TEX26: variants seen among roughly 807,000 people sequenced by gnomAD.
TEX26 encodes testis-expressed protein 26.
In TEX26, 34 loss-of-function variants were observed where a neutral mutation model predicts 35.3. That is an observed-to-expected ratio of 0.96 (90% CI 0.73 to 1.28). TEX26 has a LOEUF of 1.28. TEX26 is among the 50% of genes most tolerant of loss of function. TEX26 has a pLI of 0.00. For missense variants in TEX26, 371 were observed against 330.1 expected (o/e 1.12, Z -0.96); for synonymous variants, 136 against 111.8 (o/e 1.22, Z -1.36).
chr13:30,955,378 C>A (rs147146863), intron 3 of TEX26, among the ~76,000 whole-genome samples: 1 of 152,162 alleles, frequency 6.6e-6, no homozygotes, highest in African/African-American at 2.4e-5. Context: ...CAAATGCATA[C>A]GCAATCAACA....
At chr13:30,942,300 T>G (rs1953543774) in intron 2 of TEX26, among the ~76,000 whole-genome samples, 1 of 152,144 alleles carries the variant, frequency 6.6e-6, no homozygotes. Flanking sequence ...TTTTCATATG[T>G]TTTTGGCCAT....
At chr13:30,969,176 A>AC (rs1237108944) in intron 6 of TEX26, 130 bp downstream of exon 6, 1 of 876,294 alleles carries the variant, frequency 1.1e-6, no homozygotes, top group East Asian at 2.6e-5. Flanking sequence ...CAAAAAAAAA[A>AC]AAAACTCATA....
chr13:30,939,598 T>A (rs1022661971), intron 1 of TEX26, 96 bp from the exon 2 acceptor site: 3 of 1,127,308 alleles, frequency 2.7e-6, no homozygotes, highest in Non-Finnish European at 2.6e-6. Context: ...ATCCAAAATG[T>A]TTTTTTCTCT....
At chr13:30,968,257 G>A (rs1217782326) in intron 5 of TEX26, among the ~76,000 whole-genome samples, 2 of 152,174 alleles carry the variant, frequency 1.3e-5, no homozygotes, top group Non-Finnish European at 2.9e-5. Flanking sequence ...TTATGGGAGG[G>A]GGAGAAGAGG....
chr13:30,966,497 G>A, intron 5 of TEX26, 99 bp downstream of exon 5: 2 of 1,151,102 alleles, frequency 1.7e-6, no homozygotes, highest in Non-Finnish European at 2.4e-6. Context: ...GAGTGCAGTG[G>A]CACAATCTTG....
Position 30,956,957 on chromosome 13 carries a change from A to C in TEX26, c.397A>C (p.Lys133Gln), listed in dbSNP as rs1329849380. Reference sequence around the variant, plus strand: ...CCCTTGGAAAATCCCGGCTTCAATGAAAGAAGTTAACAAGGCACTATCAAA... The same window carrying C: ...CCCTTGGAAAATCCCGGCTTCAATGCAAGAAGTTAACAAGGCACTATCAAA... The part of the protein sequence containing the change: ...CLPWKIPASM[K>Q]EVNKALSNQF... Residue 133 changes from lysine to glutamine, a missense_variant, in exon 4 of 7, where the codon AAA becomes CAA. Coordinates refer to ENST00000380473, the MANE Select transcript of TEX26 (RefSeq NM_152325.3). 6.2e-7 allele frequency: 1 copy of C among 1,614,238 alleles called. No individual in the cohort carries two copies. Among genetic ancestry groups the C allele is most frequent in the South Asian group, 1.1e-5 (1 of 91,086 alleles).
chr13:30,957,891 A>AT (rs1954197135), intron 4 of TEX26, among the ~76,000 whole-genome samples: 1 of 152,252 alleles, frequency 6.6e-6, no homozygotes, highest in Non-Finnish European at 1.5e-5. Flanking sequence ...TACGGGAGTA[A>AT]TAGGAGTCTG....
chr13:30,974,733 A>T lies in TEX26; in HGVS notation c.809-113A>T, dbSNP rs529444277. 47 of 1,105,656 alleles carry T rather than the reference A, an allele frequency of 4.3e-5. 1 individual carries two copies. In the East Asian group the frequency reaches 1.3e-3, roughly 32 times the overall value. 68.5% of individuals were successfully genotyped at this position (1,105,656 alleles called of 1,614,324 possible). A position where few individuals can be genotyped will look rare whatever the true frequency, so the allele number is the denominator to read the frequency against. ...CCTGCTATTATTTTGGTCTTACCAA[A>T]TTTGTGTATTTAGTAATATTATCAG... On this transcript the variant is annotated intron_variant, in intron 6 of 6. Coordinates refer to ENST00000380473, the MANE Select transcript of TEX26 (RefSeq NM_152325.3).
intron 3 of TEX26, 115 bp from the exon 4 acceptor site, chr13:30,956,758 A>C: frequency 2.2e-6 from 2 of 911,540 alleles, no homozygotes; most frequent in Non-Finnish European, 3.4e-6. Flanking sequence ...ATGCACCTGC[A>C]GTGGCAGCTG....
intron 2 of TEX26, 104 bp from the exon 3 acceptor site, chr13:30,952,556 C>G: frequency 1.0e-6 from 1 of 975,998 alleles, no homozygotes; most frequent in African/African-American, 1.7e-5. Context: ...TTATGCCAAT[C>G]AATCTTTTTA....
At position 30,952,817 on chromosome 13, in the gene TEX26, C is replaced by A; in HGVS notation, c.304C>A (p.Leu102Ile). 3 of 1,612,386 alleles carry A rather than the reference C, an allele frequency of 1.9e-6. No individual in the cohort carries two copies. The highest frequency in any genetic ancestry group is 2.5e-6 in the Non-Finnish European group (3 of 1,179,222). The change falls in exon 3 of 7, where the codon CTC becomes ATC. Residue 102 changes from leucine (L) to isoleucine (I), a missense_variant. By Grantham distance (5) the Leu-to-Ile change is conservative. Transcript: ENST00000380473. ...SRGIKSHKSH[L>I]NEDIFLWTLP... is the part of the protein sequence containing the mutation. ...AGGAATCAAGAGCCACAAATCTCAT[C>A]TCAATGAAGTAAGATAATATCTACA...
At chr13:30,952,428 T>C (rs1188956404) in intron 2 of TEX26, among the ~76,000 whole-genome samples, 1 of 152,230 alleles carries the variant, frequency 6.6e-6, no homozygotes, top group East Asian at 1.9e-4. Flanking sequence ...AAATTTCATA[T>C]TGTTATGTTT....
chr13:30,934,743 C>T (rs760419058), intron 1 of TEX26, among the ~76,000 whole-genome samples: 20 of 152,170 alleles, frequency 1.3e-4, no homozygotes, highest in Admixed American at 2.0e-4. Flanking sequence ...CTCCCTGTGC[C>T]GCTACAGCCG....
In TEX26 at chr13:30,940,322, C is replaced by CTTTTTTTTTTTTTTTTT. The variant is rs869246492; in HGVS notation, c.146+557_146+573dup. ...GTGGGAGTTTCTAAACATCAGCTGC[C>CTTTTTTTTTTTTTTTTT]TTTTTTTTTTTTTTTTTTTTTTTTT... is the stretch of plus-strand genomic sequence containing the variant. On this transcript the variant is annotated intron_variant, in intron 2 of 6. Coordinates refer to ENST00000380473, the MANE Select transcript of TEX26 (RefSeq NM_152325.3). Among the ~76,000 whole-genome samples the CTTTTTTTTTTTTTTTTT allele has an allele frequency of 7.7e-5, 4 of 52,076 alleles. 1 individual carries two copies. Among genetic ancestry groups the CTTTTTTTTTTTTTTTTT allele is most frequent in the Non-Finnish European group, 1.3e-4 (4 of 29,742 alleles). The allele number at this position is 52,076 out of a possible 152,430, so 34.2% of individuals were successfully genotyped here.
chr13:30,954,277 TACACACACACACACACACAC>T (rs56003143), intron 3 of TEX26, among the ~76,000 whole-genome samples: 14 of 137,950 alleles, frequency 1.0e-4, no homozygotes, highest in South Asian at 2.4e-4. Context: ...TATAGACCTA[TACACACACACACACACACAC>T]ACACACACAC....
In TEX26 at chr13:30,974,872, C is replaced by A. The variant is rs775005047; in HGVS notation, c.835C>A (p.Arg279Ser). ...KDRQIIDRFI[R>S]THCDTNKKKK Reference sequence around the variant, plus strand: ...TAGACAAATTATTGATCGCTTTATTCGTACTCACTGTGACACTAACAAAAA... The same window carrying A: ...TAGACAAATTATTGATCGCTTTATTAGTACTCACTGTGACACTAACAAAAA... The change falls in exon 7 of 7, where the codon CGT (arginine) becomes AGT (serine). Residue 279 changes from arginine to serine, a missense_variant. Physicochemically the swap from Arg to Ser is moderately radical, Grantham distance 110. Coordinates refer to ENST00000380473, the MANE Select transcript of TEX26 (RefSeq NM_152325.3). The A allele has an allele frequency of 6.4e-7, 1 of 1,563,800 alleles. No homozygotes were observed. Among genetic ancestry groups the A allele is most frequent in the South Asian group, 1.2e-5 (1 of 81,444 alleles).
intron 4 of TEX26, 33 bp downstream of exon 4, chr13:30,957,062 T>A: frequency 1.2e-6 from 2 of 1,601,552 alleles, no homozygotes; most frequent in Non-Finnish European, 1.7e-6. Context: ...TTTTCCTGGG[T>A]CATGTGGTAG....
At position 30,951,822 on chromosome 13, in the gene TEX26, T is replaced by C. The variant is rs545718063; in HGVS notation, c.147-838T>C. ...CCAATCAGCAATCAAATCTCTCCAATTGTCTCATAACTTTTTTTTAAAAGG... is the reference window on the plus strand; with the variant it reads ...CCAATCAGCAATCAAATCTCTCCAACTGTCTCATAACTTTTTTTTAAAAGG... On this transcript the variant is annotated intron_variant, in intron 2 of 6. Coordinates refer to ENST00000380473, the MANE Select transcript of TEX26 (RefSeq NM_152325.3). Among the ~76,000 whole-genome samples the C allele has an allele frequency of 1.3e-4, 20 of 152,194 alleles. 1 individual carries two copies. Among genetic ancestry groups the C allele is most frequent in the South Asian group, 8.3e-4 (4 of 4,822 alleles).
In TEX26 at chr13:30,975,386, GA is replaced by G. The variant is rs552627910; in HGVS notation, c.*486del. On this transcript the variant is annotated 3_prime_UTR_variant, in exon 7 of 7. Transcript: ENST00000380473. ...TAATTTGTGTGTTACGTGAATATGA[GA>G]AAAAAATTATAGTTTATTGTATTTT... 3.9e-5 allele frequency: 6 copies of G among 152,138 alleles called. No homozygotes were observed. The South Asian group carries it at 6.2e-4, about 16-fold the overall frequency. 9.4% of individuals were successfully genotyped at this position (152,138 alleles called of 1,614,324 possible).
Sources: allele counts gnomAD v4.1 joint callset (sites outside exome capture counted in the v4.1 genomes callset), GRCh38; gene constraint gnomAD v4.1.1; transcripts MANE v1.5; gene names NCBI Gene and HGNC (gene_info 2026-07-23, HGNC 2026-07-21).